Variants in AKR1B15 observed in about 807,000 individuals in gnomAD.
The protein encoded by AKR1B15 is aldo-keto reductase family 1 member B15, also known as estradiol 17-beta-dehydrogenase AKR1B15.
In AKR1B15, 49 loss-of-function variants were observed where a neutral mutation model predicts 38.5. The observed-to-expected ratio is 1.27, with a 90% confidence interval of 1.01 to 1.62. The LOEUF (loss-of-function observed/expected upper bound fraction) is 1.62, where lower values mean the gene tolerates loss of function less well. AKR1B15 is among the 40% of genes most tolerant of loss of function. The pLI is 0.00. For synonymous variants in AKR1B15, 137 were observed against 135.5 expected, an observed-to-expected ratio of 1.01 and a Z score of -0.08; for missense variants, 411 against 381.6, an observed-to-expected ratio of 1.08 and a Z score of -0.64.
In AKR1B15 at chr7:134,564,637, A is replaced by T. The variant is rs530917884; in HGVS notation, c.18A>T (p.Glu6Asp). 16 of 698,176 alleles carry T rather than the reference A, an allele frequency of 2.3e-5. No homozygotes were observed. The African/African-American group carries it at 2.4e-4, about 11-fold the overall frequency. The allele number at this position is 698,176 out of a possible 1,614,324, so 43.2% of individuals were successfully genotyped here. A position where few individuals can be genotyped will look rare whatever the true frequency, so the allele number is the denominator to read the frequency against. ...AGCTACAGATGGTCTTACAAATGGA[A>T]CCCCAAGTGAACTCAACTAACAACT... MVLQMEPQVNSTNNFH... is the reference protein window; with the variant it reads MVLQMDPQVNSTNNFH... The change falls in exon 3 of 12, where the codon GAA becomes GAT. Residue 6 changes from glutamate to aspartate, a missense_variant. By Grantham distance (45) the Glu-to-Asp change is conservative. This residue lies in a region of AKR1B15 where 254 missense variants were observed against 212.4 expected (regional missense o/e 1.20). Coordinates refer to ENST00000457545, the MANE Select transcript of AKR1B15 (RefSeq NM_001080538.3).
At chr7:134,563,425 G>T (rs773767923) in intron 2 of AKR1B15, among the ~76,000 whole-genome samples, 1 of 152,202 alleles carries the variant, frequency 6.6e-6, no homozygotes, top group Non-Finnish European at 1.5e-5. Flanking sequence ...GTGGGTGCCT[G>T]TAATCGCAGC....
chr7:134,557,786 C>T (rs151169477), intron 2 of AKR1B15, among the ~76,000 whole-genome samples: 54 of 152,210 alleles, frequency 3.5e-4, no homozygotes, highest in African/African-American at 1.1e-3. Context: ...GCCCCTTCTT[C>T]GGGGCTGAGA....
chr7:134,573,230 C>A lies in AKR1B15; in HGVS notation c.513+1549C>A, dbSNP rs1341964425. 1.4e-5 allele frequency: 3 copies of A among 217,690 alleles called. 1 individual carries two copies. In the South Asian group the frequency reaches 4.9e-4, roughly 36 times the overall value. 13.5% of individuals were successfully genotyped at this position (217,690 alleles called of 1,614,324 possible). ...ATTTTTAGTAGAGATGAGGTTTCAC[C>A]ATGTTGGCCAGGCTGGTCTCAAACT... On this transcript the variant is annotated intron_variant, in intron 6 of 11. Transcript: ENST00000457545.
Position 134,564,756 on chromosome 7 carries a change from G to A in AKR1B15, c.137G>A (p.Arg46His), listed in dbSNP as rs747009279. 6.3e-5 allele frequency: 43 copies of A among 681,628 alleles called. No individual in the cohort carries two copies. The highest frequency in any genetic ancestry group is 2.7e-4 in the South Asian group (17 of 62,358). The allele number at this position is 681,628 out of a possible 1,614,324, so 42.2% of individuals were successfully genotyped here. ...KDTTSAGPLL[R>H]PYPASLLGKV... ...ACTACAAGTGCAGGGCCCCTTCTTC[G>A]CCCCTATCCAGCAGTAAGTGGCTAG... is the stretch of plus-strand genomic sequence containing the variant. Residue 46 changes from arginine (R) to histidine (H), a missense_variant, in exon 3 of 12, where the codon CGC becomes CAC. Transcript: ENST00000457545.
chr7:134,551,849 G>T (rs1363139591), intron 1 of AKR1B15, among the ~76,000 whole-genome samples: 1 of 152,180 alleles, frequency 6.6e-6, no homozygotes, highest in Non-Finnish European at 1.5e-5. Flanking sequence ...AGCCAGAGGA[G>T]AAACCAGAAA....
At chr7:134,577,543 A>T (rs1045686846) in intron 10 of AKR1B15, among the ~76,000 whole-genome samples, 161 bp from the exon 11 acceptor site, 6 of 152,180 alleles carry the variant, frequency 3.9e-5, no homozygotes, top group African/African-American at 1.4e-4. Flanking sequence ...TGTAGGACCT[A>T]ATTTAGAGAA....
chr7:134,579,415 A>T, intron 11 of AKR1B15, 92 bp from the exon 12 acceptor site: 1 of 1,127,862 alleles, frequency 8.9e-7, no homozygotes, highest in Non-Finnish European at 1.2e-6. Context: ...GACCACAAAT[A>T]CCACAGAGTC....
chr7:134,563,189 C>G (rs1299923360), intron 2 of AKR1B15, among the ~76,000 whole-genome samples: 1 of 152,202 alleles, frequency 6.6e-6, no homozygotes, highest in African/African-American at 2.4e-5. Context: ...CTCACAAAAG[C>G]CTGGAATGGA....
At chr7:134,579,417 C>T in intron 11 of AKR1B15, 90 bp from the exon 12 acceptor site, 1 of 1,160,606 alleles carries the variant, frequency 8.6e-7, no homozygotes, top group South Asian at 1.6e-5. Context: ...CCACAAATAC[C>T]ACAGAGTCCA....
intron 2 of AKR1B15, among the ~76,000 whole-genome samples, chr7:134,563,811 G>A (rs1794473608): frequency 6.6e-6 from 1 of 152,132 alleles, no homozygotes; most frequent in Non-Finnish European, 1.5e-5. Context: ...TGGGAAAACA[G>A]AAAACAGCCA....
intron 1 of AKR1B15, among the ~76,000 whole-genome samples, chr7:134,549,776 T>C (rs368269597): frequency 6.6e-6 from 1 of 152,218 alleles, no homozygotes; most frequent in East Asian, 1.9e-4. Context: ...CTTGTTTATA[T>C]ACCCCAGTGC....
chr7:134,562,667 G>A (rs1293463676), intron 2 of AKR1B15, among the ~76,000 whole-genome samples: 3 of 151,944 alleles, frequency 2.0e-5, no homozygotes, highest in African/African-American at 4.8e-5. Flanking sequence ...AAATTTCTCC[G>A]AGTCCCCACC....
At chr7:134,562,677 C>T (rs556403890) in intron 2 of AKR1B15, among the ~76,000 whole-genome samples, 2 of 152,172 alleles carry the variant, frequency 1.3e-5, no homozygotes, top group East Asian at 3.9e-4. Flanking sequence ...GAGTCCCCAC[C>T]CAACCCAGAA....
chr7:134,565,397 C>G, intron 3 of AKR1B15: 1 of 1,602,486 alleles, frequency 6.2e-7, no homozygotes, highest in Non-Finnish European at 8.5e-7. Context: ...AGCGAGACCA[C>G]GAACCCTCTG....
Position 134,575,603 on chromosome 7 carries a change from G to A in AKR1B15, c.636+61G>A, listed in dbSNP as rs1627864. 12,278 of 1,605,020 alleles carry A rather than the reference G, an allele frequency of 7.6e-3. 62 individuals are homozygous for A. Among genetic ancestry groups the A allele is most frequent in the Middle Eastern group, 0.014 (85 of 6,008 alleles). On this transcript the variant is annotated intron_variant, in intron 7 of 11. Transcript: ENST00000457545. Reference sequence around the variant, plus strand: ...CCTATTACTTCTTAAACATTGCGGGGGGAATGTTCAATGCTATGCCCTGAG... The same window carrying A: ...CCTATTACTTCTTAAACATTGCGGGAGGAATGTTCAATGCTATGCCCTGAG...
At chr7:134,577,660 G>GT in intron 10 of AKR1B15, 44 bp from the exon 11 acceptor site, 2 of 1,597,088 alleles carry the variant, frequency 1.3e-6, no homozygotes, top group South Asian at 2.3e-5. Flanking sequence ...AGCCACAGCA[G>GT]TAACAGCCTT....
chr7:134,578,494 A>G (rs1794812132), intron 11 of AKR1B15, among the ~76,000 whole-genome samples: 1 of 152,192 alleles, frequency 6.6e-6, no homozygotes, highest in Non-Finnish European at 1.5e-5. Flanking sequence ...CTTTACTTTA[A>G]ATCTCAGATA....
intron 9 of AKR1B15, 35 bp downstream of exon 9, chr7:134,576,465 C>T (rs1177515437): frequency 6.2e-7 from 1 of 1,605,762 alleles, no homozygotes; most frequent in Non-Finnish European, 8.5e-7. Flanking sequence ...TATCCAACCA[C>T]TCATGCTTCC....
intron 6 of AKR1B15, among the ~76,000 whole-genome samples, chr7:134,572,329 C>G (rs1394792220): frequency 6.6e-6 from 1 of 152,126 alleles, no homozygotes; most frequent in African/African-American, 2.4e-5. Flanking sequence ...CAGCATGGTG[C>G]TTGGTAAGCA....
Sources: allele counts gnomAD v4.1 joint callset (sites outside exome capture counted in the v4.1 genomes callset), GRCh38; gene constraint gnomAD v4.1.1; regional missense constraint gnomAD v4.1.1; transcripts MANE v1.5; gene names NCBI Gene and HGNC (gene_info 2026-07-23, HGNC 2026-07-21).